ZNF423: variants seen among roughly 807,000 people sequenced by gnomAD.
ZNF423 encodes the protein Ebf-associated zinc finger protein.
Under a neutral mutation model 95.8 loss-of-function variants are expected in ZNF423, and 12 were observed. That is an observed-to-expected ratio of 0.13 (90% CI 0.08 to 0.20). The LOEUF (loss-of-function observed/expected upper bound fraction) is 0.20. Ranked by LOEUF, ZNF423 falls within the 10% of genes least tolerant of loss-of-function variation. The pLI is 1.00. For synonymous variants in ZNF423, 749 were observed against 711.9 expected (o/e 1.05, Z -0.83); for missense variants, 1,316 against 1,737.1 (o/e 0.76, Z 4.31).
intron 2 of ZNF423, among the ~76,000 whole-genome samples, chr16:49,760,527 G>A (rs1368172673): frequency 6.6e-6 from 1 of 152,100 alleles, no homozygotes; most frequent in Non-Finnish European, 1.5e-5. Context: ...ATAAATGAAT[G>A]GGTGAAGAAA....
At chr16:49,579,387 T>C (rs1259205895) in intron 5 of ZNF423, among the ~76,000 whole-genome samples, 2 of 152,068 alleles carry the variant, frequency 1.3e-5, no homozygotes, top group African/African-American at 2.4e-5. Context: ...GTCACTCCAC[T>C]TCCCTTCCCT....
At chr16:49,838,015 G>A (rs2035139169) in intron 1 of ZNF423, among the ~76,000 whole-genome samples, 1 of 152,242 alleles carries the variant, frequency 6.6e-6, no homozygotes, top group Admixed American at 6.5e-5. Flanking sequence ...CAAGGACCCA[G>A]CACTAGCATT....
chr16:49,600,427 C>T (rs996539569), intron 5 of ZNF423, among the ~76,000 whole-genome samples: 9 of 152,120 alleles, frequency 5.9e-5, no homozygotes, highest in Non-Finnish European at 7.4e-5. Flanking sequence ...CCACAGGATG[C>T]GATGAATTCG....
chr16:49,694,105 GTGATCA>G (rs1300585069), intron 3 of ZNF423, among the ~76,000 whole-genome samples: 2 of 152,260 alleles, frequency 1.3e-5, no homozygotes, highest in African/African-American at 4.8e-5. Context: ...TCCCCATGCC[GTGATCA>G]TTTCTATGGA....
At chr16:49,770,971 C>G (rs574109137) in intron 2 of ZNF423, among the ~76,000 whole-genome samples, 2 of 152,260 alleles carry the variant, frequency 1.3e-5, no homozygotes, top group East Asian at 3.9e-4. Context: ...TGGAGGGGTG[C>G]TGGATGCTGG....
At chr16:49,806,786 T>C (rs903188153) in intron 1 of ZNF423, among the ~76,000 whole-genome samples, 1 of 151,878 alleles carries the variant, frequency 6.6e-6, no homozygotes, top group African/African-American at 2.4e-5. Flanking sequence ...CCCAGCACTT[T>C]GGGAGGCCAA....
intron 1 of ZNF423, among the ~76,000 whole-genome samples, chr16:49,837,103 A>C (rs1378773602): frequency 1.3e-5 from 2 of 152,068 alleles, no homozygotes; most frequent in East Asian, 3.9e-4. Context: ...CAGTGTGCAA[A>C]GCCAGGCTGA....
chr16:49,561,214 T>C (rs1970006632), intron 5 of ZNF423, among the ~76,000 whole-genome samples: 1 of 152,164 alleles, frequency 6.6e-6, no homozygotes, highest in Admixed American at 6.5e-5. Context: ...ATGATATTGG[T>C]AGACTGAAAT....
intron 1 of ZNF423, among the ~76,000 whole-genome samples, chr16:49,804,963 G>C (rs1277214397): frequency 7.0e-6 from 1 of 143,288 alleles, no homozygotes; most frequent in East Asian, 2.1e-4. Context: ...GCAGTGGCCT[G>C]GTCTCGACTC....
At position 49,653,097 on chromosome 16, in the gene ZNF423, G is replaced by A. The variant is rs149591648; in HGVS notation, c.302-14223C>T. ...TTTTTGGATAATCCACATATTTAACGCGGCATTGGATTCTCCAGGCAGGGC... is the reference window on the plus strand; with the variant it reads ...TTTTTGGATAATCCACATATTTAACACGGCATTGGATTCTCCAGGCAGGGC... On this transcript the variant is annotated intron_variant, in intron 3 of 7. Transcript: ENST00000563137. 2.1e-3 allele frequency among the ~76,000 whole-genome samples: 321 copies of A among 152,098 alleles called. 2 individuals are homozygous for A. Among genetic ancestry groups the A allele is most frequent in the African/African-American group, 7.4e-3 (307 of 41,488 alleles).
At chr16:49,854,050 G>A (rs968451988) in intron 1 of ZNF423, 1 of 985,206 alleles carries the variant, frequency 1.0e-6, no homozygotes. Context: ...ATTTCAAGCC[G>A]TACAGCCCTT....
chr16:49,705,208 C>A (rs770273842), intron 3 of ZNF423, among the ~76,000 whole-genome samples: 2 of 152,134 alleles, frequency 1.3e-5, no homozygotes, highest in Non-Finnish European at 2.9e-5. Flanking sequence ...TCAACAGAGT[C>A]AAGGCCCCAG....
intron 3 of ZNF423, among the ~76,000 whole-genome samples, chr16:49,712,666 G>A (rs868448925): frequency 9.8e-5 from 15 of 152,360 alleles, no homozygotes; most frequent in Middle Eastern, 3.4e-3. Context: ...GCCTGCAGCC[G>A]CCACATCACC....
At chr16:49,789,948 G>C (rs1415511089) in intron 1 of ZNF423, among the ~76,000 whole-genome samples, 1 of 152,144 alleles carries the variant, frequency 6.6e-6, no homozygotes, top group East Asian at 1.9e-4. Context: ...CCCAATGACA[G>C]CACGTCTGAG....
intron 3 of ZNF423, among the ~76,000 whole-genome samples, chr16:49,666,144 C>A (rs978925341): frequency 2.0e-5 from 3 of 152,196 alleles, no homozygotes; most frequent in Admixed American, 6.5e-5. Context: ...GGCTGGCCCC[C>A]GCCTCCCAGC....
chr16:49,843,772 T>C (rs2035215317), intron 1 of ZNF423, among the ~76,000 whole-genome samples: 1 of 151,474 alleles, frequency 6.6e-6, no homozygotes, highest in Non-Finnish European at 1.5e-5. Flanking sequence ...ACATCCCATT[T>C]CCCCCTCCCG....
chr16:49,718,287 T>C (rs553323428), intron 3 of ZNF423, among the ~76,000 whole-genome samples: 1 of 152,180 alleles, frequency 6.6e-6, no homozygotes, highest in African/African-American at 2.4e-5. Flanking sequence ...GGTGTGGTAA[T>C]CCCAGCTACT....
intron 4 of ZNF423, among the ~76,000 whole-genome samples, chr16:49,630,214 G>A (rs530215978): frequency 1.3e-5 from 2 of 152,224 alleles, no homozygotes; most frequent in Non-Finnish European, 2.9e-5. Context: ...AGGCCACAAG[G>A]AGACTACAGG....
intron 5 of ZNF423, among the ~76,000 whole-genome samples, chr16:49,621,174 G>T (rs1972066379): frequency 6.6e-6 from 1 of 152,182 alleles, no homozygotes; most frequent in Non-Finnish European, 1.5e-5. Flanking sequence ...GGTCAACCCG[G>T]CAGGAGGCCA....
Sources: allele counts gnomAD v4.1 joint callset (sites outside exome capture counted in the v4.1 genomes callset), GRCh38; gene constraint gnomAD v4.1.1; transcripts MANE v1.5; gene names NCBI Gene and HGNC (gene_info 2026-07-23, HGNC 2026-07-21).